PIGK: variants seen among roughly 807,000 people sequenced by gnomAD.
PIGK encodes phosphatidylinositol glycan anchor biosynthesis class K.
Under a neutral mutation model 50.6 loss-of-function variants are expected in PIGK, and 42 were observed. The observed-to-expected ratio is 0.83, with a 90% CI of 0.65 to 1.07. The LOEUF is 1.07. PIGK is among the 50% of genes least tolerant of loss of function. The pLI, the probability that PIGK is intolerant of heterozygous loss-of-function variation, is 0.00. For missense variants in PIGK, 448 were observed against 488.7 expected (o/e 0.92, Z 0.78); for synonymous variants, 151 against 156.0 (o/e 0.97, Z 0.24).
rs114704683 is a variant in PIGK at position 77,119,574 on chromosome 1, G to A, written c.1071+2701C>T. Among the ~76,000 whole-genome samples the A allele has an allele frequency of 9.3e-3, 1,414 of 152,266 alleles. 19 individuals are homozygous for A. Among genetic ancestry groups the A allele is most frequent in the African/African-American group, 0.033 (1,352 of 41,544 alleles). ...ACAGTCATATTTTCTAGGATGGCTA[G>A]AAAAATGGTAAATAATTTGACAGCA... On this transcript the variant is annotated intron_variant, in intron 10 of 10. Transcript: ENST00000370812.
At chr1:77,160,712 T>C (rs897531776) in intron 8 of PIGK, among the ~76,000 whole-genome samples, 3 of 152,182 alleles carry the variant, frequency 2.0e-5, no homozygotes, top group Admixed American at 6.6e-5. Flanking sequence ...AACTTCAAAG[T>C]AGATTTAATG....
chr1:77,176,580 G>A (rs1055019205), intron 3 of PIGK, among the ~76,000 whole-genome samples: 1 of 152,108 alleles, frequency 6.6e-6, no homozygotes, highest in Non-Finnish European at 1.5e-5. Flanking sequence ...TGCTCCTGCA[G>A]TTTCTCAAAA....
At chr1:77,149,791 T>C (rs1654852882) in intron 9 of PIGK, among the ~76,000 whole-genome samples, 1 of 152,186 alleles carries the variant, frequency 6.6e-6, no homozygotes, top group African/African-American at 2.4e-5. Context: ...CTGCAGATTA[T>C]ACATTTTCCT....
intron 1 of PIGK, among the ~76,000 whole-genome samples, chr1:77,216,768 C>T (rs1656576993): frequency 6.6e-6 from 1 of 152,078 alleles, no homozygotes; most frequent in South Asian, 2.1e-4. Context: ...GGTCCTATCT[C>T]GCAACTGGCT....
At chr1:77,195,545 A>C (rs973073449) in intron 3 of PIGK, 26 of 425,730 alleles carry the variant, frequency 6.1e-5, no homozygotes, top group Non-Finnish European at 1.0e-4. Flanking sequence ...AGAGATTACA[A>C]CTCAAAAGTA....
intron 2 of PIGK, among the ~76,000 whole-genome samples, chr1:77,209,590 T>C (rs80054269): frequency 0.019 from 2,822 of 152,176 alleles, 80 homozygotes; most frequent in African/African-American, 0.065. Context: ...TAGGAATTTA[T>C]CCTAAAGAGA....
chr1:77,183,786 G>A (rs928938623), intron 3 of PIGK, among the ~76,000 whole-genome samples: 1 of 152,138 alleles, frequency 6.6e-6, no homozygotes, highest in Admixed American at 6.5e-5. Flanking sequence ...CCCACTGTGA[G>A]AGGTGGAAAT....
At chr1:77,204,953 A>G (rs1336966703) in intron 3 of PIGK, among the ~76,000 whole-genome samples, 1 of 152,144 alleles carries the variant, frequency 6.6e-6, no homozygotes, top group Non-Finnish European at 1.5e-5. Context: ...TAATTACCCC[A>G]CTACAAAGAC....
intron 1 of PIGK, among the ~76,000 whole-genome samples, chr1:77,212,063 T>C (rs1384338446): frequency 6.6e-6 from 1 of 152,160 alleles, no homozygotes; most frequent in Non-Finnish European, 1.5e-5. Flanking sequence ...GCACATCCTC[T>C]AGCATTCTGC....
At chr1:77,121,603 T>C (rs1300269065) in intron 10 of PIGK, among the ~76,000 whole-genome samples, 2 of 152,204 alleles carry the variant, frequency 1.3e-5, no homozygotes, top group Admixed American at 6.5e-5. Context: ...TACTATAATA[T>C]GTAAGTTTCT....
chr1:77,217,151 C>T (rs1160517135), intron 1 of PIGK, among the ~76,000 whole-genome samples: 1 of 152,138 alleles, frequency 6.6e-6, no homozygotes, highest in African/African-American at 2.4e-5. Flanking sequence ...CCTGAGTGCT[C>T]CAAATACAAT....
Position 77,142,541 on chromosome 1 carries a change from G to A in PIGK, c.986+11908C>T, listed in dbSNP as rs114801719. ...TGCTATAAAGAAATATCCAAGCTGGGTAATTTATAAAGGAAAGCATTTTAA... is the reference window on the plus strand; with the variant it reads ...TGCTATAAAGAAATATCCAAGCTGGATAATTTATAAAGGAAAGCATTTTAA... On this transcript the variant is annotated intron_variant, in intron 9 of 10. Transcript: ENST00000370812. 2.0e-3 allele frequency among the ~76,000 whole-genome samples: 300 copies of A among 152,222 alleles called. 2 individuals carry two copies. The highest frequency in any genetic ancestry group is 6.8e-3 in the African/African-American group (284 of 41,534).
intron 10 of PIGK, among the ~76,000 whole-genome samples, chr1:77,094,502 G>C (rs540293715): frequency 6.6e-6 from 1 of 152,154 alleles, no homozygotes; most frequent in Admixed American, 6.6e-5. Flanking sequence ...TTCAAAAAAT[G>C]GTGAACATCA....
chr1:77,192,951 A>G (rs1029832149), intron 3 of PIGK, among the ~76,000 whole-genome samples: 1 of 152,122 alleles, frequency 6.6e-6, no homozygotes, highest in Non-Finnish European at 1.5e-5. Context: ...CCATATCTGA[A>G]TTTCATGATT....
At chr1:77,189,694 C>CATATAT (rs71075728) in intron 3 of PIGK, among the ~76,000 whole-genome samples, 2 of 71,116 alleles carry the variant, frequency 2.8e-5, no homozygotes, top group Non-Finnish European at 5.4e-5. Context: ...ACAATAAACT[C>CATATAT]ATATATATAT....
At chr1:77,179,431 A>G (rs1406765310) in intron 3 of PIGK, among the ~76,000 whole-genome samples, 2 of 152,222 alleles carry the variant, frequency 1.3e-5, no homozygotes, top group Non-Finnish European at 2.9e-5. Flanking sequence ...AACCTAATTT[A>G]GGAGTATGCT....
At chr1:77,125,245 T>A (rs1654204999) in intron 9 of PIGK, among the ~76,000 whole-genome samples, 1 of 152,182 alleles carries the variant, frequency 6.6e-6, no homozygotes, top group Non-Finnish European at 1.5e-5. Flanking sequence ...ATTCCAAACA[T>A]GTTTCTGTAT....
intron 9 of PIGK, chr1:77,154,129 G>A (rs1208957266): frequency 7.4e-6 from 3 of 405,718 alleles, no homozygotes; most frequent in African/African-American, 2.1e-5. Flanking sequence ...TTACCAGGAG[G>A]CCTAACAGAA....
intron 5 of PIGK, 28 bp downstream of exon 5, chr1:77,166,691 C>A: frequency 9.1e-7 from 1 of 1,094,828 alleles, no homozygotes; most frequent in South Asian, 1.4e-5. Flanking sequence ...ATATACTCTA[C>A]TATAAAAACT....
Sources: allele counts gnomAD v4.1 joint callset (sites outside exome capture counted in the v4.1 genomes callset), GRCh38; gene constraint gnomAD v4.1.1; transcripts MANE v1.5; gene names NCBI Gene and HGNC (gene_info 2026-07-23, HGNC 2026-07-21).